Variants in CEMIP observed in about 807,000 individuals in gnomAD.
CEMIP encodes cell migration-inducing and hyaluronan-binding protein.
Under a neutral mutation model 156.9 loss-of-function variants are expected in CEMIP, and 105 were observed. The ratio of observed to expected loss-of-function variants is 0.67; its 90% CI spans 0.57 to 0.79. The LOEUF (loss-of-function observed/expected upper bound fraction) is 0.79. CEMIP is among the 30% of genes least tolerant of loss of function. The pLI is 0.00. For missense variants in CEMIP, 1,457 were observed against 1,769.4 expected (o/e 0.82, Z 3.17); for synonymous variants, 676 against 668.4 (o/e 1.01, Z -0.17).
At chr15:80,829,965 GGTGT>G (rs370594946) in intron 1 of CEMIP, among the ~76,000 whole-genome samples, 18 of 133,790 alleles carry the variant, frequency 1.3e-4, no homozygotes, top group Middle Eastern at 3.7e-3. Context: ...GGAGGTAGCG[GGTGT>G]GTGTGTGTGT....
At chr15:80,909,389 A>G in intron 14 of CEMIP, 83 bp downstream of exon 14, 1 of 1,369,346 alleles carries the variant, frequency 7.3e-7, no homozygotes, top group East Asian at 2.3e-5. Flanking sequence ...GTAGACACTT[A>G]ATCCAGGGCC....
intron 1 of CEMIP, among the ~76,000 whole-genome samples, chr15:80,862,437 G>A (rs1339900807): frequency 6.6e-6 from 1 of 152,190 alleles, no homozygotes; most frequent in Non-Finnish European, 1.5e-5. Context: ...AGTCGGGAGA[G>A]GTTTAAGGTG....
chr15:80,895,139 CG>C lies in CEMIP; in HGVS notation c.1219+21del, dbSNP rs1231454694. The C allele has an allele frequency of 8.1e-6, 13 of 1,614,004 alleles. No homozygotes were observed. Among genetic ancestry groups the C allele is most frequent in the Non-Finnish European group, 1.1e-5 (13 of 1,179,968 alleles). On this transcript the variant is annotated intron_variant, in intron 11 of 29. Transcript: ENST00000394685. ...GGAAGCCTGGTAAGCAGCCCCTTGT[CG>C]GGGACACAGATGCAACTATGGCTCG...
intron 1 of CEMIP, among the ~76,000 whole-genome samples, chr15:80,851,512 A>T (rs1320588599): frequency 6.6e-6 from 1 of 152,190 alleles, no homozygotes; most frequent in South Asian, 2.1e-4. Flanking sequence ...AAAATTCTAT[A>T]ATAATAAGAG....
chr15:80,920,393 C>T (rs1900428956), intron 15 of CEMIP, 94 bp downstream of exon 15: 1 of 1,184,212 alleles, frequency 8.4e-7, no homozygotes, highest in Non-Finnish European at 1.2e-6. Flanking sequence ...CAGACTTCTG[C>T]ACTTCGGGGC....
chr15:80,847,827 A>G (rs191347242), intron 1 of CEMIP, among the ~76,000 whole-genome samples: 107 of 152,320 alleles, frequency 7.0e-4, no homozygotes, highest in African/African-American at 2.4e-3. Flanking sequence ...CAGGTAGCAG[A>G]TGGAAATCAG....
At chr15:80,923,196 C>T (rs1201110735) in intron 17 of CEMIP, among the ~76,000 whole-genome samples, 1 of 151,966 alleles carries the variant, frequency 6.6e-6, no homozygotes, top group Non-Finnish European at 1.5e-5. Context: ...TTCCCAGCAA[C>T]TAGAAAAGAG....
chr15:80,880,208 T>A (rs1427655618), intron 5 of CEMIP, among the ~76,000 whole-genome samples: 1 of 152,242 alleles, frequency 6.6e-6, no homozygotes, highest in African/African-American at 2.4e-5. Flanking sequence ...CCTGGCTGTG[T>A]TCCCTCTTTA....
chr15:80,875,217 T>C (rs972142519), intron 3 of CEMIP, among the ~76,000 whole-genome samples: 1 of 151,836 alleles, frequency 6.6e-6, no homozygotes, highest in African/African-American at 2.4e-5. Context: ...AATGTTTTAG[T>C]AAAGACAGTG....
intron 8 of CEMIP, among the ~76,000 whole-genome samples, chr15:80,888,338 G>A (rs1898920428): frequency 6.6e-6 from 1 of 152,194 alleles, no homozygotes; most frequent in South Asian, 2.1e-4. Context: ...AAAAAAAAGA[G>A]CTAAAGCGAC....
chr15:80,782,480 G>A (rs927604635), intron 1 of CEMIP, among the ~76,000 whole-genome samples: 1 of 152,148 alleles, frequency 6.6e-6, no homozygotes, highest in Non-Finnish European at 1.5e-5. Context: ...TGGACTGGAG[G>A]GTCCCTTCCA....
At chr15:80,851,960 G>A (rs531278523) in intron 1 of CEMIP, among the ~76,000 whole-genome samples, 21 of 152,314 alleles carry the variant, frequency 1.4e-4, no homozygotes, top group East Asian at 3.9e-4. Flanking sequence ...GGAGGCCACC[G>A]TGAATGTCAG....
At chr15:80,885,119 T>C (rs1009877491) in intron 7 of CEMIP, among the ~76,000 whole-genome samples, 1 of 152,176 alleles carries the variant, frequency 6.6e-6, no homozygotes, top group African/African-American at 2.4e-5. Context: ...CCCCTCCCTG[T>C]GTCCATGGTA....
chr15:80,856,738 G>C (rs1897860794), intron 1 of CEMIP, among the ~76,000 whole-genome samples: 1 of 152,152 alleles, frequency 6.6e-6, no homozygotes, highest in South Asian at 2.1e-4. Flanking sequence ...CTGAGGCCCA[G>C]GGAAGGTCTG....
intron 1 of CEMIP, among the ~76,000 whole-genome samples, chr15:80,871,177 A>G (rs560993095): frequency 6.6e-6 from 1 of 152,168 alleles, no homozygotes; most frequent in Non-Finnish European, 1.5e-5. Context: ...ATTCACTTCA[A>G]TGGAATGTTT....
chr15:80,840,928 T>C (rs1897397832), intron 1 of CEMIP, among the ~76,000 whole-genome samples: 1 of 152,192 alleles, frequency 6.6e-6, no homozygotes, highest in African/African-American at 2.4e-5. Context: ...CTTCATTAGC[T>C]GACAAAGCAG....
At chr15:80,878,599 T>C (rs779790039) in intron 3 of CEMIP, 122 bp from the exon 4 acceptor site, 51 of 1,301,020 alleles carry the variant, frequency 3.9e-5, no homozygotes, top group Non-Finnish European at 5.2e-5. Flanking sequence ...GGTCTTGCTT[T>C]TAGCTCTAAC....
rs576623974 is a variant in CEMIP at position 80,876,048 on chromosome 15, C to T, written c.94+2075C>T. 4.6e-5 allele frequency among the ~76,000 whole-genome samples: 7 copies of T among 152,334 alleles called. No homozygotes were observed. The South Asian group carries it at 1.2e-3, about 27-fold the overall frequency. ...ACAGTCAGGATTGTCCTGGCAGATG[C>T]GGACTACGAGGCTGCAAGGCTTTGC... is the stretch of plus-strand genomic sequence containing the variant. On this transcript the variant is annotated intron_variant, in intron 3 of 29. Transcript: ENST00000394685.
intron 28 of CEMIP, among the ~76,000 whole-genome samples, chr15:80,945,627 A>T (rs933129778): frequency 6.6e-6 from 1 of 152,198 alleles, no homozygotes; most frequent in African/African-American, 2.4e-5. Flanking sequence ...AGCCCTTCGC[A>T]TCTTAAGATC....
Sources: gnomAD v4.1 joint callset for allele counts (sites outside exome capture counted in the v4.1 genomes callset) on GRCh38, gnomAD v4.1.1 for gene constraint, MANE v1.5 for transcripts, NCBI Gene and HGNC (gene_info 2026-07-23, HGNC 2026-07-21) for gene names.